Variants in NAV1 observed in about 807,000 individuals in gnomAD.
NAV1 encodes pore membrane and/or filament interacting like protein 3.
In NAV1, 18 loss-of-function variants were observed where a neutral mutation model predicts 175.2. The observed-to-expected ratio is 0.10, with a 90% CI of 0.07 to 0.15. NAV1 has a LOEUF of 0.15. Among genes scored for constraint, NAV1 ranks in the 10% least tolerant of loss-of-function variants. The pLI is 1.00. For synonymous variants in NAV1, 897 were observed against 978.7 expected, an observed-to-expected ratio of 0.92 and a Z score of 1.56; for missense variants, 1,731 against 2,436.6, an observed-to-expected ratio of 0.71 and a Z score of 6.10.
chr1:201,819,623 A>T (rs972574711), intron 29 of NAV1, among the ~76,000 whole-genome samples: 17 of 152,022 alleles, frequency 1.1e-4, no homozygotes, highest in Non-Finnish European at 2.2e-4. Context: ...GTTGTGTGCC[A>T]CCACGCCTGG....
exon 30 of NAV1, chr1:201,820,996 A>T (rs1166186656): frequency 6.6e-6 from 1 of 152,156 alleles, no homozygotes; most frequent in Non-Finnish European, 1.5e-5. Flanking sequence ...TATATGAGAC[A>T]TGAAGCATTG....
intron 1 of NAV1, among the ~76,000 whole-genome samples, chr1:201,657,883 A>G (rs1295963728): frequency 2.0e-5 from 3 of 152,078 alleles, no homozygotes; most frequent in African/African-American, 7.2e-5. Context: ...AATACAAAAA[A>G]TTAGCCAGGA....
chr1:201,757,203 T>C (rs1674567678), intron 3 of NAV1, among the ~76,000 whole-genome samples: 1 of 152,194 alleles, frequency 6.6e-6, no homozygotes, highest in Admixed American at 6.6e-5. Context: ...CAGTCTCTCC[T>C]CAAGATCTCT....
intron 1 of NAV1, among the ~76,000 whole-genome samples, chr1:201,690,201 T>C (rs397839718): frequency 1.6e-5 from 2 of 123,348 alleles, no homozygotes; most frequent in African/African-American, 3.1e-5. Context: ...CTATTTCCTC[T>C]CTGGCCTGTC....
exon 1 of NAV1, chr1:201,648,755 C>G (rs1024625482): frequency 2.9e-5 from 41 of 1,401,700 alleles, no homozygotes; most frequent in Non-Finnish European, 3.0e-5. Context: ...AACCGCGGGG[C>G]GCCGGCAGGA....
intron 1 of NAV1, among the ~76,000 whole-genome samples, chr1:201,672,412 G>GAAAGT (rs1157042739): frequency 1.3e-5 from 2 of 152,144 alleles, no homozygotes; most frequent in Admixed American, 6.5e-5. Context: ...TCTAAGCACA[G>GAAAGT]AAAGTCCCTG....
chr1:201,809,479 A>G (rs759456560), exon 22 of NAV1: 1 of 1,614,114 alleles, frequency 6.2e-7, no homozygotes, highest in East Asian at 2.2e-5. Context: ...GGCTGTAGCA[A>G]GGTCAGTGGA....
rs757469505 is a variant in NAV1, at chr1:201,718,629, G to T, written c.1100G>T (p.Ser367Ile). 2 of 1,614,212 alleles carry T rather than the reference G, an allele frequency of 1.2e-6. No individual in the cohort carries two copies. Among genetic ancestry groups the T allele is most frequent in the Non-Finnish European group, 1.7e-6 (2 of 1,180,040 alleles). The stretch of plus-strand genomic sequence containing the variant: ...CCCATGCGCAGCCCCAGCAAGCTCA[G>T]CCATATCTCCCGCCTGGAGCTGGTC... Residue 367 changes from serine to isoleucine, a missense_variant, in exon 3 of 30, where the codon AGC (serine) becomes ATC (isoleucine). Physicochemically the swap from Ser to Ile is moderately radical, Grantham distance 142. This residue lies in a region of NAV1 where 487 missense variants were observed against 581.3 expected (regional missense o/e 0.84). Coordinates refer to ENST00000367296, the Ensembl canonical transcript of NAV1. This position sits in a 1 kb window ranked among gnomAD's most constrained non-coding sequence, Gnocchi z 4.8.
intron 3 of NAV1, among the ~76,000 whole-genome samples, chr1:201,763,006 G>A (rs910223205): frequency 6.6e-6 from 1 of 152,170 alleles, no homozygotes; most frequent in Non-Finnish European, 1.5e-5. Context: ...TGTTGGTTCT[G>A]AACAGAATCC....
At chr1:201,662,934 C>G (rs1243096843) in intron 1 of NAV1, among the ~76,000 whole-genome samples, 2 of 72,424 alleles carry the variant, frequency 2.8e-5, no homozygotes, top group African/African-American at 1.0e-4. Context: ...ATTAAAGGAA[C>G]CAGCCATGTT....
chr1:201,586,866 A>G (rs1162578555), intron 1 of NAV1, among the ~76,000 whole-genome samples: 1 of 152,212 alleles, frequency 6.6e-6, no homozygotes, highest in Non-Finnish European at 1.5e-5. Context: ...GGTGTGAGAT[A>G]TACATTTCAG....
At chr1:201,566,586 A>C (rs1209879485) in intron 1 of NAV1, among the ~76,000 whole-genome samples, 1 of 152,108 alleles carries the variant, frequency 6.6e-6, no homozygotes, top group Non-Finnish European at 1.5e-5. Context: ...CCCACTCACA[A>C]CACACACAGA....
rs148421345 is a variant in NAV1 at position 201,768,804 on chromosome 1, G to A, written c.1227-11617G>A. 2.7e-3 allele frequency among the ~76,000 whole-genome samples: 410 copies of A among 152,236 alleles called. 6 individuals are homozygous for A. Among genetic ancestry groups the A allele is most frequent in the Non-Finnish European group, 2.5e-3 (168 of 68,018 alleles). On this transcript the variant is annotated intron_variant, in intron 3 of 29. Coordinates refer to ENST00000367296, the Ensembl canonical transcript of NAV1. Reference sequence around the variant, plus strand: ...TTACCTATAAGATTGGCAATTTCACGTGGTTTAACATAATACATTTTATCA... The same window carrying A: ...TTACCTATAAGATTGGCAATTTCACATGGTTTAACATAATACATTTTATCA...
At chr1:201,757,425 C>T (rs566957294) in intron 3 of NAV1, among the ~76,000 whole-genome samples, 63 of 152,212 alleles carry the variant, frequency 4.1e-4, no homozygotes, top group African/African-American at 1.4e-3. Context: ...CTTGCCACCA[C>T]GCCCGGCTAA....
chr1:201,763,610 T>C (rs1034636046), intron 3 of NAV1, among the ~76,000 whole-genome samples: 2 of 152,156 alleles, frequency 1.3e-5, no homozygotes, highest in African/African-American at 2.4e-5. Flanking sequence ...TCACCCACAG[T>C]TGGTCCTAAT....
rs191765130 is a variant in NAV1 at position 201,669,500 on chromosome 1, G to T, written c.757+20075G>T. Among the ~76,000 whole-genome samples, 424 of 152,280 alleles carry T rather than the reference G, an allele frequency of 2.8e-3. 1 individual carries two copies. The highest frequency in any genetic ancestry group is 9.6e-3 in the African/African-American group (400 of 41,554). On this transcript the variant is annotated intron_variant, in intron 1 of 29. Coordinates refer to ENST00000367296, the Ensembl canonical transcript of NAV1. Reference sequence around the variant, plus strand: ...TGGGAAGATGGGAGGGTGAGAGGGTGGGCTGGGCCAAACAGGGCCTTGTAG... The same window carrying T: ...TGGGAAGATGGGAGGGTGAGAGGGTTGGCTGGGCCAAACAGGGCCTTGTAG...
At chr1:201,752,707 G>T (rs923810977) in intron 3 of NAV1, among the ~76,000 whole-genome samples, 3 of 152,012 alleles carry the variant, frequency 2.0e-5, no homozygotes, top group Admixed American at 6.6e-5. Flanking sequence ...TGAGGAGAAG[G>T]AGACAGAGAG....
chr1:201,543,368 T>C (rs937458078), intron 1 of NAV1, among the ~76,000 whole-genome samples: 3 of 152,214 alleles, frequency 2.0e-5, no homozygotes, highest in Non-Finnish European at 1.5e-5. Flanking sequence ...TGTCAAATGC[T>C]TGTTTTCTGT....
chr1:201,793,335 GAAGAAAC>G, intron 13 of NAV1: 1 of 154,966 alleles, frequency 6.5e-6, no homozygotes, highest in Non-Finnish European at 1.4e-5. Flanking sequence ...AGCAGAGGAG[GAAGAAAC>G]GCACCAAATA....
Sources: gnomAD v4.1 joint callset for allele counts (sites outside exome capture counted in the v4.1 genomes callset) on GRCh38, gnomAD v4.1.1 for gene constraint, gnomAD v4.1.1 regional missense constraint, Gnocchi (gnomAD v3.1) non-coding constraint, MANE v1.5 for transcripts, NCBI Gene and HGNC (gene_info 2026-07-23, HGNC 2026-07-21) for gene names.